PAK1: variants seen among roughly 807,000 people sequenced by gnomAD.
The protein encoded by PAK1 is serine/threonine-protein kinase PAK 1.
PAK1 carries 29 observed loss-of-function variants against 67.4 expected under a neutral mutation model. The observed-to-expected ratio is 0.43, with a 90% CI of 0.32 to 0.59. The LOEUF (loss-of-function observed/expected upper bound fraction) is 0.59, where lower values mean the gene tolerates loss of function less well. PAK1 is among the 20% of genes least tolerant of loss of function. PAK1 has a pLI of 0.07. For synonymous variants in PAK1, 223 were observed against 237.4 expected (o/e 0.94, Z 0.56); for missense variants, 337 against 670.7 (o/e 0.50, Z 5.50).
intron 1 of PAK1, among the ~76,000 whole-genome samples, chr11:77,466,213 T>C (rs974732184): frequency 1.3e-5 from 2 of 152,200 alleles, no homozygotes; most frequent in African/African-American, 4.8e-5. Context: ...AGCAAAGAAG[T>C]TGGCATCAAA....
chr11:77,528,145 A>T, the PAK1 span, among the ~76,000 whole-genome samples: 1 of 152,084 alleles, frequency 6.6e-6, no homozygotes, highest in Non-Finnish European at 1.5e-5. Context: ...CATTTTTGGG[A>T]GAGCATTTTA....
intron 14 of PAK1, among the ~76,000 whole-genome samples, chr11:77,328,653 T>C (rs1940651773): frequency 6.6e-6 from 1 of 151,960 alleles, no homozygotes; most frequent in Admixed American, 6.6e-5. Context: ...GGGAAATGTA[T>C]AGCACTAAAT....
At chr11:77,453,298 G>A (rs1956938615) in intron 1 of PAK1, among the ~76,000 whole-genome samples, 1 of 152,094 alleles carries the variant, frequency 6.6e-6, no homozygotes, top group South Asian at 2.1e-4. Flanking sequence ...AGGTTTCAGT[G>A]AGCCGAGATC....
At chr11:77,392,697 C>G (rs1565657592) in intron 1 of PAK1, among the ~76,000 whole-genome samples, 156 bp from the exon 2 acceptor site, 1 of 152,240 alleles carries the variant, frequency 6.6e-6, no homozygotes, top group African/African-American at 2.4e-5. Flanking sequence ...CTAACACTCA[C>G]TGATGTAAAT....
At chr11:77,434,233 C>A (rs1283818774) in intron 1 of PAK1, among the ~76,000 whole-genome samples, 3 of 152,002 alleles carry the variant, frequency 2.0e-5, no homozygotes, top group African/African-American at 7.3e-5. Context: ...TGGAAACAAC[C>A]CAAATATCCA....
chr11:77,432,171 T>G (rs190285580), intron 1 of PAK1, among the ~76,000 whole-genome samples: 2 of 152,002 alleles, frequency 1.3e-5, no homozygotes, highest in African/African-American at 4.8e-5. Flanking sequence ...TACCCCATAA[T>G]AACACAATAA....
At chr11:77,334,079 G>C (rs1348474344) in intron 13 of PAK1, among the ~76,000 whole-genome samples, 1 of 151,716 alleles carries the variant, frequency 6.6e-6, no homozygotes, top group Non-Finnish European at 1.5e-5. Flanking sequence ...TGAGGCAGGA[G>C]AATCGCTTGA....
chr11:77,412,490 G>C (rs1954673301), intron 1 of PAK1, among the ~76,000 whole-genome samples: 1 of 151,972 alleles, frequency 6.6e-6, no homozygotes, highest in Admixed American at 6.5e-5. Flanking sequence ...TGCAGTGGTT[G>C]GATCTTGACT....
chr11:77,331,712 C>T (rs1941569556), intron 14 of PAK1, among the ~76,000 whole-genome samples: 1 of 150,926 alleles, frequency 6.6e-6, no homozygotes, highest in African/African-American at 2.4e-5. Flanking sequence ...GTACAGCACA[C>T]CAACATGGTA....
rs767283481 is a variant in PAK1, at chr11:77,323,254, A to G, written c.*20T>C. 6.2e-7 allele frequency: 1 copy of G among 1,613,584 alleles called. No homozygotes were observed. The highest frequency in any genetic ancestry group is 1.7e-5 in the Admixed American group (1 of 60,000). ...ATCTCACAGAAGGCTTGGCACAATG[A>G]GGCTGGGGTGAGTGTGGTTTTAGTG... On this transcript the variant is annotated 3_prime_UTR_variant, in exon 15 of 15. Transcript: ENST00000356341.
intron 1 of PAK1, among the ~76,000 whole-genome samples, chr11:77,457,497 C>A (rs933527099): frequency 6.6e-6 from 1 of 152,062 alleles, no homozygotes; most frequent in African/African-American, 2.4e-5. Context: ...CATTAAGGGG[C>A]GCATTAGCAT....
At chr11:77,351,897 A>G (rs1344032132) in intron 8 of PAK1, among the ~76,000 whole-genome samples, 1 of 150,806 alleles carries the variant, frequency 6.6e-6, no homozygotes, top group African/African-American at 2.4e-5. Context: ...TTTTATAGAG[A>G]GGTATAACTT....
intron 1 of PAK1, among the ~76,000 whole-genome samples, chr11:77,453,708 TATAATGCCC>T (rs917079973): frequency 6.6e-6 from 1 of 152,172 alleles, no homozygotes; most frequent in Non-Finnish European, 1.5e-5. Flanking sequence ...AAATAATTCA[TATAATGCCC>T]CAGGGTAAGA....
At chr11:77,496,494 G>A in the PAK1 span, among the ~76,000 whole-genome samples, 1 of 152,076 alleles carries the variant, frequency 6.6e-6, no homozygotes, top group African/African-American at 2.4e-5. Context: ...GCGTGGTGGT[G>A]CACGCTTGTA....
chr11:77,365,871 C>T (rs972871503), intron 5 of PAK1, among the ~76,000 whole-genome samples: 3 of 151,612 alleles, frequency 2.0e-5, no homozygotes, highest in East Asian at 1.9e-4. Flanking sequence ...AACACCTAAA[C>T]GCACAGTCAG....
intron 11 of PAK1, among the ~76,000 whole-genome samples, chr11:77,338,518 G>A (rs1332413814): frequency 6.6e-6 from 1 of 152,104 alleles, no homozygotes; most frequent in Non-Finnish European, 1.5e-5. Flanking sequence ...TGGCAGGAAC[G>A]TAAAACAGTA....
intron 8 of PAK1, chr11:77,349,531 AG>A: frequency 2.1e-6 from 1 of 476,380 alleles, no homozygotes; most frequent in Non-Finnish European, 3.8e-6. Context: ...CCTACTAGGT[AG>A]GATCTTAAGA....
At chr11:77,340,861 A>G (rs1402575370) in intron 10 of PAK1, 98 bp from the exon 11 acceptor site, 1 of 744,542 alleles carries the variant, frequency 1.3e-6, no homozygotes, top group Non-Finnish European at 2.5e-6. Context: ...GAGTGAAACT[A>G]CGTCTTAGCA....
At chr11:77,365,560 C>A (rs1293297929) in intron 5 of PAK1, among the ~76,000 whole-genome samples, 1 of 152,162 alleles carries the variant, frequency 6.6e-6, no homozygotes, top group Non-Finnish European at 1.5e-5. Context: ...TGGCTGGGAG[C>A]GGTGGCTCAT....
Sources: allele counts gnomAD v4.1 joint callset (sites outside exome capture counted in the v4.1 genomes callset), GRCh38; gene constraint gnomAD v4.1.1; transcripts MANE v1.5; gene names NCBI Gene and HGNC (gene_info 2026-07-23, HGNC 2026-07-21).